UTRN: variants seen among roughly 807,000 people sequenced by gnomAD.
The protein encoded by UTRN is utrophin.
Under a neutral mutation model 463.9 loss-of-function variants are expected in UTRN, and 283 were observed. The ratio of observed to expected loss-of-function variants is 0.61; its 90% CI spans 0.55 to 0.67. The LOEUF (loss-of-function observed/expected upper bound fraction) is 0.67. Ranked by LOEUF, UTRN falls within the 30% of genes least tolerant of loss-of-function variation. The pLI, the probability that UTRN is intolerant of heterozygous loss-of-function variation, is 0.00. For synonymous variants in UTRN, 1,442 were observed against 1,431.5 expected (o/e 1.01, Z -0.17); for missense variants, 3,922 against 4,084.3 (o/e 0.96, Z 1.08).
At chr6:144,660,304 AC>A (rs778295996) in intron 51 of UTRN, 1 of 471,014 alleles carries the variant, frequency 2.1e-6, no homozygotes, top group South Asian at 1.5e-5. Context: ...TCATGAATGT[AC>A]TTTTTTCCTT....
chr6:144,654,019 T>G (rs1367807352), intron 51 of UTRN, among the ~76,000 whole-genome samples: 1 of 152,220 alleles, frequency 6.6e-6, no homozygotes, highest in East Asian at 1.9e-4. Context: ...GGAAGAGAGA[T>G]AACGGTACAG....
chr6:144,404,297 G>A (rs1380408148), intron 3 of UTRN, among the ~76,000 whole-genome samples: 2 of 152,208 alleles, frequency 1.3e-5, no homozygotes, highest in African/African-American at 2.4e-5. Flanking sequence ...GCAGTTATAT[G>A]TGTAGGATTA....
intron 2 of UTRN, among the ~76,000 whole-genome samples, chr6:144,292,373 A>T (rs1025311014): frequency 2.6e-5 from 4 of 152,180 alleles, no homozygotes; most frequent in Non-Finnish European, 5.9e-5. Context: ...ATATCTTATG[A>T]GCCTTCTCAA....
In UTRN at chr6:144,340,746, C is replaced by T. The variant is rs563655951; in HGVS notation, c.79+48839C>T. On this transcript the variant is annotated intron_variant, in intron 2 of 74. Coordinates refer to ENST00000367545, the MANE Select transcript of UTRN (RefSeq NM_007124.3). The stretch of plus-strand genomic sequence containing the variant: ...CAACATAAATGGTCTATTGATTTCA[C>T]AAGAACTAGAAAATGAGGCCACCGT... 5.3e-5 allele frequency among the ~76,000 whole-genome samples: 8 copies of T among 152,324 alleles called. No homozygotes were observed. The South Asian group carries it at 1.7e-3, about 32-fold the overall frequency.
chr6:144,530,718 C>G (rs574225023), intron 41 of UTRN, among the ~76,000 whole-genome samples: 54 of 152,010 alleles, frequency 3.6e-4, no homozygotes, highest in African/African-American at 1.3e-3. Context: ...AGTTAAAAAG[C>G]TGCTCGAGTG....
chr6:144,695,024 C>G (rs2128694641), intron 52 of UTRN, among the ~76,000 whole-genome samples: 1 of 149,062 alleles, frequency 6.7e-6, no homozygotes, highest in Non-Finnish European at 1.5e-5. Context: ...CTTTATGCTA[C>G]TTGGAGTATT....
intron 53 of UTRN, among the ~76,000 whole-genome samples, chr6:144,725,016 G>C (rs1010157594): frequency 2.0e-5 from 3 of 152,208 alleles, no homozygotes; most frequent in African/African-American, 7.2e-5. Context: ...ATGCCAAACT[G>C]ATTTCCAGAG....
intron 2 of UTRN, chr6:144,333,061 A>C (rs1426419378): frequency 6.6e-6 from 1 of 151,836 alleles, no homozygotes; most frequent in African/African-American, 2.4e-5. Flanking sequence ...TAGTCTCCCA[A>C]GTAGCTGGGA....
chr6:144,466,756 A>G (rs1434036332), intron 23 of UTRN, among the ~76,000 whole-genome samples: 3 of 152,206 alleles, frequency 2.0e-5, no homozygotes, highest in Non-Finnish European at 4.4e-5. Flanking sequence ...AAAGTATTTC[A>G]TATTACGTAC....
intron 51 of UTRN, among the ~76,000 whole-genome samples, chr6:144,579,388 G>GT (rs5880600): frequency 0.39 from 59,953 of 152,056 alleles, 14,769 homozygotes; most frequent in African/African-American, 0.67. Context: ...TTATGCAATG[G>GT]TTTAATTTCA....
rs114231920 is a variant in UTRN at position 144,306,309 on chromosome 6, C to T, written c.79+14402C>T. 7.2e-3 allele frequency among the ~76,000 whole-genome samples: 1,101 copies of T among 152,126 alleles called. 16 individuals are homozygous for T. Among genetic ancestry groups the T allele is most frequent in the African/African-American group, 0.026 (1,063 of 41,506 alleles). On this transcript the variant is annotated intron_variant, in intron 2 of 74. Coordinates refer to ENST00000367545, the MANE Select transcript of UTRN (RefSeq NM_007124.3). ...GGTGTGGGGTGTGTGCTGGATGAGG[C>T]AAGCCTGGGGTTCTGGAGGACCTTT...
chr6:144,456,926 G>GATTCCA (rs1788895012), intron 19 of UTRN, among the ~76,000 whole-genome samples: 1 of 152,064 alleles, frequency 6.6e-6, no homozygotes, highest in African/African-American at 2.4e-5. Context: ...TTCCAATAGT[G>GATTCCA]ATAGACTGAG....
At chr6:144,545,650 C>G (rs1798333533) in intron 46 of UTRN, among the ~76,000 whole-genome samples, 1 of 152,204 alleles carries the variant, frequency 6.6e-6, no homozygotes, top group South Asian at 2.1e-4. Context: ...TTCTTGCCCA[C>G]AATATCTCAG....
In UTRN at chr6:144,554,540, G is replaced by A. The variant is rs1157811859; in HGVS notation, c.6929-148G>A. 4 of 772,710 alleles carry A rather than the reference G, an allele frequency of 5.2e-6. No individual in the cohort carries two copies. The Admixed American group carries it at 8.8e-5, about 17-fold the overall frequency. 47.9% of individuals were successfully genotyped at this position (772,710 alleles called of 1,614,324 possible). A position where few individuals can be genotyped will look rare whatever the true frequency, so the allele number is the denominator to read the frequency against. On this transcript the variant is annotated intron_variant, in intron 48 of 74. Transcript: ENST00000367545. Reference sequence around the variant, plus strand: ...ATATCAATTGTATAGGATGGCAGATGTATATTAAAATTCCTTCAAAATGTG... The same window carrying A: ...ATATCAATTGTATAGGATGGCAGATATATATTAAAATTCCTTCAAAATGTG...
rs528378792 is a variant in UTRN, at chr6:144,410,607, A to G, written c.141+7423A>G. Reference sequence around the variant, plus strand: ...CCCCCCGCCCAGGTCCCCAAAGTCCATTGTATCATTCTTATACCTTTGGAT... The same window carrying G: ...CCCCCCGCCCAGGTCCCCAAAGTCCGTTGTATCATTCTTATACCTTTGGAT... On this transcript the variant is annotated intron_variant, in intron 3 of 74. Transcript: ENST00000367545. 4.2e-5 allele frequency among the ~76,000 whole-genome samples: 6 copies of G among 141,632 alleles called. No individual in the cohort carries two copies. In the South Asian group the frequency reaches 1.4e-3, roughly 32 times the overall value. 92.9% of individuals were successfully genotyped at this position (141,632 alleles called of 152,430 possible).
rs566794232 is a variant in UTRN, at chr6:144,766,007, C to T, written c.8496-5900C>T. On this transcript the variant is annotated intron_variant, in intron 58 of 74. Coordinates refer to ENST00000367545, the MANE Select transcript of UTRN (RefSeq NM_007124.3). ...CTTAGAGGACAGTAGACAGTGTTTGCGAGTGGATGAGGAAGTTGAATATAA... is the reference window on the plus strand; with the variant it reads ...CTTAGAGGACAGTAGACAGTGTTTGTGAGTGGATGAGGAAGTTGAATATAA... 9.2e-5 allele frequency among the ~76,000 whole-genome samples: 14 copies of T among 151,526 alleles called. No individual in the cohort carries two copies. In the East Asian group the frequency reaches 1.9e-3, roughly 21 times the overall value.
chr6:144,497,880 G>T (rs6911420), intron 33 of UTRN, among the ~76,000 whole-genome samples: 100 of 152,284 alleles, frequency 6.6e-4, no homozygotes, highest in African/African-American at 2.4e-3. Context: ...AATCAGGGAT[G>T]ATAGATTGTC....
intron 69 of UTRN, among the ~76,000 whole-genome samples, chr6:144,829,424 A>G (rs1780469301): frequency 6.6e-6 from 1 of 152,144 alleles, no homozygotes; most frequent in Non-Finnish European, 1.5e-5. Context: ...CTAGCCAATT[A>G]GTTTATTTCT....
At chr6:144,385,309 A>T (rs1235677625) in intron 2 of UTRN, among the ~76,000 whole-genome samples, 3 of 152,176 alleles carry the variant, frequency 2.0e-5, no homozygotes, top group Non-Finnish European at 4.4e-5. Flanking sequence ...TACTTAAATG[A>T]TTTAACAGTG....
Sources: gnomAD v4.1 joint callset for allele counts (sites outside exome capture counted in the v4.1 genomes callset) on GRCh38, gnomAD v4.1.1 for gene constraint, MANE v1.5 for transcripts, NCBI Gene and HGNC (gene_info 2026-07-23, HGNC 2026-07-21) for gene names.